PPP6C: variants seen among roughly 807,000 people sequenced by gnomAD.
PPP6C encodes serine/threonine-protein phosphatase 6 catalytic subunit.
A neutral mutation model predicts 39.8 loss-of-function variants in PPP6C; 11 were observed. The observed-to-expected ratio is 0.28, with a 90% confidence interval of 0.17 to 0.46. The LOEUF is 0.46. Ranked by LOEUF, PPP6C falls within the 20% of genes least tolerant of loss-of-function variation. The pLI is 1.00. For synonymous variants in PPP6C, 129 were observed against 130.3 expected (o/e 0.99, Z 0.07); for missense variants, 211 against 373.9 (o/e 0.56, Z 3.59).
intron 4 of PPP6C, 135 bp from the exon 5 acceptor site, chr9:125,154,120 T>A: frequency 1.5e-6 from 1 of 676,010 alleles, no homozygotes; most frequent in Non-Finnish European, 2.5e-6. Context: ...ACATATTTAG[T>A]CCTGCTAGGA....
At chr9:125,173,600 AAC>A in intron 1 of PPP6C, among the ~76,000 whole-genome samples, 1 of 150,804 alleles carries the variant, frequency 6.6e-6, no homozygotes, top group Non-Finnish European at 1.5e-5. Flanking sequence ...CAACAACAAC[AAC>A]AAAAAAGATG....
chr9:125,171,632 C>G lies in PPP6C; in HGVS notation c.76-452G>C, dbSNP rs1311108823. On this transcript the variant is annotated intron_variant, in intron 1 of 6. Coordinates refer to ENST00000373547, the MANE Select transcript of PPP6C (RefSeq NM_002721.5). ...GCAGTGACACGATCTCGGCTCACTT[C>G]TACCTCCATCTCCCAGATTCAAGCA... 2.0e-5 allele frequency among the ~76,000 whole-genome samples: 3 copies of G among 150,580 alleles called. No individual in the cohort carries two copies. The Admixed American group carries it at 2.0e-4, about 10-fold the overall frequency.
In PPP6C at chr9:125,153,560, C is replaced by A; in HGVS notation, c.642G>T (p.Trp214Cys). ...TWAISPRGAG[W>C]LFGAKVTNEF... ...CATTTGTGACCTTTGCTCCAAAAAG[C>A]CAACCTGCTCCTCGGGGACTGATAG... Residue 214 changes from tryptophan (W) to cysteine (C), a missense_variant, in exon 6 of 7, where the codon TGG becomes TGT. This residue lies in a region of PPP6C where 168 missense variants were observed against 342.6 expected (regional missense o/e 0.49). Coordinates refer to ENST00000373547, the MANE Select transcript of PPP6C (RefSeq NM_002721.5). 2 of 1,614,138 alleles carry A rather than the reference C, an allele frequency of 1.2e-6. No individual in the cohort carries two copies. Among genetic ancestry groups the A allele is most frequent in the Non-Finnish European group, 1.7e-6 (2 of 1,180,028 alleles).
Position 125,149,603 on chromosome 9 carries a change from T to C in PPP6C, c.*70A>G, listed in dbSNP as rs1313560215. ...AAAGTGCTCAATAAAAAGTATATTG[T>C]AGAGGGTAATACAAGAAAATTGGGG... is the stretch of plus-strand genomic sequence containing the variant. On this transcript the variant is annotated 3_prime_UTR_variant, in exon 7 of 7. Coordinates refer to ENST00000373547, the MANE Select transcript of PPP6C (RefSeq NM_002721.5). 2.6e-6 allele frequency: 4 copies of C among 1,524,930 alleles called. No individual in the cohort carries two copies. Among genetic ancestry groups the C allele is most frequent in the Non-Finnish European group, 2.7e-6 (3 of 1,121,902 alleles). The allele number at this position is 1,524,930 out of a possible 1,614,324, so 94.5% of individuals were successfully genotyped here.
At chr9:125,172,155 T>C (rs1463743862) in intron 1 of PPP6C, among the ~76,000 whole-genome samples, 1 of 152,050 alleles carries the variant, frequency 6.6e-6, no homozygotes, top group Non-Finnish European at 1.5e-5. Flanking sequence ...GTGAAAAAAA[T>C]GAAACAACAG....
chr9:125,178,361 G>A (rs903715117), intron 1 of PPP6C, among the ~76,000 whole-genome samples: 1 of 152,144 alleles, frequency 6.6e-6, no homozygotes, highest in African/African-American at 2.4e-5. Context: ...GTATATAGTG[G>A]TTATCTCATG....
chr9:125,157,357 A>G (rs1372253377), intron 4 of PPP6C, among the ~76,000 whole-genome samples: 1 of 152,134 alleles, frequency 6.6e-6, no homozygotes, highest in Non-Finnish European at 1.5e-5. Context: ...ATACAGAGAT[A>G]TATGTAAAAG....
chr9:125,153,285 A>G (rs1835995833), intron 6 of PPP6C, among the ~76,000 whole-genome samples: 2 of 152,166 alleles, frequency 1.3e-5, no homozygotes, highest in South Asian at 2.1e-4. Context: ...CAAAAACAAA[A>G]AAAAAAGGAA....
chr9:125,171,068 T>G lies in PPP6C; in HGVS notation c.171+17A>C. ...ATGGACAGTACAAAACTTAAAAATC[T>G]GCTCATGAAATTTTACCTGTCCATG... On this transcript the variant is annotated intron_variant, in intron 2 of 6. Coordinates refer to ENST00000373547, the MANE Select transcript of PPP6C (RefSeq NM_002721.5). 6.6e-7 allele frequency: 1 copy of G among 1,508,944 alleles called. No individual in the cohort carries two copies. The highest frequency in any genetic ancestry group is 9.0e-7 in the Non-Finnish European group (1 of 1,108,056). 93.5% of individuals were successfully genotyped at this position (1,508,944 alleles called of 1,614,324 possible). A position where few individuals can be genotyped will look rare whatever the true frequency, so the allele number is the denominator to read the frequency against.
chr9:125,147,432 C>T lies in PPP6C; in HGVS notation c.*2241G>A, dbSNP rs1835837555. 1 of 152,144 alleles carries T rather than the reference C, an allele frequency of 6.6e-6. No individual in the cohort carries two copies. Among genetic ancestry groups the T allele is most frequent in the African/African-American group, 2.4e-5 (1 of 41,430 alleles). The allele number at this position is 152,144 out of a possible 1,614,324, so 9.4% of individuals were successfully genotyped here. A position where few individuals can be genotyped will look rare whatever the true frequency, so the allele number is the denominator to read the frequency against. Reference sequence around the variant, plus strand: ...TATATAGTACATATAGTACATAGCCCTTATTTATTGGAGGGATCCAAAATA... The same window carrying T: ...TATATAGTACATATAGTACATAGCCTTTATTTATTGGAGGGATCCAAAATA... On this transcript the variant is annotated 3_prime_UTR_variant, in exon 7 of 7. Coordinates refer to ENST00000373547, the MANE Select transcript of PPP6C (RefSeq NM_002721.5).
intron 1 of PPP6C, among the ~76,000 whole-genome samples, chr9:125,185,619 G>A (rs761666948): frequency 4.6e-5 from 7 of 151,492 alleles, no homozygotes; most frequent in African/African-American, 1.5e-4. Context: ...GCTTGAATCC[G>A]GGAGGCGGAG....
At chr9:125,180,593 G>A (rs1829400392) in intron 1 of PPP6C, among the ~76,000 whole-genome samples, 1 of 152,096 alleles carries the variant, frequency 6.6e-6, no homozygotes, top group Admixed American at 6.6e-5. Flanking sequence ...GTTAATTTTT[G>A]TATTTTTAGT....
chr9:125,189,418 A>G, intron 1 of PPP6C: 2 of 1,258,146 alleles, frequency 1.6e-6, no homozygotes, highest in Non-Finnish European at 2.1e-6. Context: ...CCTGGGACAG[A>G]GGCCGCGACA....
chr9:125,171,276 A>G, intron 1 of PPP6C, 96 bp from the exon 2 acceptor site: 1 of 916,868 alleles, frequency 1.1e-6, no homozygotes, highest in South Asian at 2.0e-5. Flanking sequence ...AATACTTACA[A>G]AACCCAAGTA....
rs972088399 is a variant in PPP6C, at chr9:125,157,634, C to A, written c.379+607G>T. 4.6e-5 allele frequency among the ~76,000 whole-genome samples: 7 copies of A among 151,776 alleles called. 1 individual carries two copies. The highest frequency in any genetic ancestry group is 4.6e-4 in the Admixed American group (7 of 15,226). On this transcript the variant is annotated intron_variant, in intron 4 of 6. Coordinates refer to ENST00000373547, the MANE Select transcript of PPP6C (RefSeq NM_002721.5). ...TCACCTTCAGCAGATTCTAGATTCC[C>A]ACTCCAAAATATTTTGATTAATAAA...
At chr9:125,165,489 A>C (rs902353065) in intron 2 of PPP6C, among the ~76,000 whole-genome samples, 1 of 152,196 alleles carries the variant, frequency 6.6e-6, no homozygotes, top group African/African-American at 2.4e-5. Context: ...AAAATTGTTT[A>C]GTGAGAGGAG....
chr9:125,161,204 T>A (rs1200271544), intron 2 of PPP6C, among the ~76,000 whole-genome samples: 1 of 152,196 alleles, frequency 6.6e-6, no homozygotes, highest in African/African-American at 2.4e-5. Flanking sequence ...TTATCAATTG[T>A]CTAATTTCTC....
intron 6 of PPP6C, among the ~76,000 whole-genome samples, chr9:125,152,316 T>G (rs1401800268): frequency 6.6e-6 from 1 of 152,180 alleles, no homozygotes; most frequent in African/African-American, 2.4e-5. Flanking sequence ...TGTACCGTAG[T>G]CTTCTGGAAA....
intron 2 of PPP6C, among the ~76,000 whole-genome samples, chr9:125,161,732 A>G (rs1480460295): frequency 1.3e-5 from 2 of 152,188 alleles, no homozygotes; most frequent in Non-Finnish European, 1.5e-5. Context: ...ATGACACCCA[A>G]GGATATTTCA....
Sources: gnomAD v4.1 joint callset for allele counts (sites outside exome capture counted in the v4.1 genomes callset) on GRCh38, gnomAD v4.1.1 for gene constraint, gnomAD v4.1.1 regional missense constraint, MANE v1.5 for transcripts, NCBI Gene and HGNC (gene_info 2026-07-23, HGNC 2026-07-21) for gene names.